Variants in CPVL observed in about 807,000 individuals in gnomAD.
The protein encoded by CPVL is carboxypeptidase vitellogenic like.
In CPVL, 51 loss-of-function variants were observed where a neutral mutation model predicts 63.7. That is an observed-to-expected ratio of 0.80 (90% CI 0.64 to 1.01). The LOEUF (loss-of-function observed/expected upper bound fraction) is 1.01. CPVL is among the 50% of genes least tolerant of loss of function. The pLI is 0.00. For synonymous variants in CPVL, 195 were observed against 206.0 expected (o/e 0.95, Z 0.46); for missense variants, 530 against 573.1 (o/e 0.92, Z 0.77).
chr7:29,194,431 C>G (rs1344878705), intron 1 of CPVL: 2 of 153,006 alleles, frequency 1.3e-5, no homozygotes, highest in Non-Finnish European at 2.9e-5. Context: ...TGTGTGTGCG[C>G]GAGCGGAGTT....
chr7:29,078,946 T>C (rs1448705272), intron 7 of CPVL, among the ~76,000 whole-genome samples: 1 of 152,162 alleles, frequency 6.6e-6, no homozygotes. Context: ...AAAATAGAGA[T>C]TTGTCATAGG....
intron 11 of CPVL, among the ~76,000 whole-genome samples, chr7:29,052,240 A>G (rs1354378234): frequency 1.3e-5 from 2 of 151,904 alleles, no homozygotes; most frequent in Non-Finnish European, 2.9e-5. Context: ...TCACCACTAA[A>G]GAACTTACTC....
At chr7:29,176,835 G>T (rs1361569351) in intron 5 of CPVL, among the ~76,000 whole-genome samples, 2 of 152,160 alleles carry the variant, frequency 1.3e-5, no homozygotes, top group Non-Finnish European at 2.9e-5. Flanking sequence ...GAAAGGGAAA[G>T]CAACCTCTTG....
chr7:29,048,584 T>C (rs966449642), intron 11 of CPVL, among the ~76,000 whole-genome samples: 3 of 152,044 alleles, frequency 2.0e-5, no homozygotes, highest in Admixed American at 6.6e-5. Context: ...ACATTAATAG[T>C]GGGGGATTTC....
intron 11 of CPVL, among the ~76,000 whole-genome samples, chr7:29,038,728 A>C (rs1216661825): frequency 6.6e-6 from 1 of 152,244 alleles, no homozygotes; most frequent in Non-Finnish European, 1.5e-5. Context: ...CTCTGTATCC[A>C]TACCTCTGTC....
upstream of CPVL, among the ~76,000 whole-genome samples, chr7:29,149,210 T>TA (rs397943773): frequency 2.8e-5 from 4 of 143,326 alleles, no homozygotes; most frequent in African/African-American, 1.1e-4. Context: ...TTTTTTTTTT[T>TA]GAGACAGAGT....
intron 11 of CPVL, among the ~76,000 whole-genome samples, chr7:29,042,582 G>A (rs988853044): frequency 2.0e-5 from 3 of 152,100 alleles, no homozygotes; most frequent in African/African-American, 7.2e-5. Flanking sequence ...TCTAGCCTGG[G>A]CAACAGTGAG....
At chr7:29,094,172 C>T (rs1441310290) in intron 5 of CPVL, among the ~76,000 whole-genome samples, 1 of 152,052 alleles carries the variant, frequency 6.6e-6, no homozygotes, top group East Asian at 1.9e-4. Flanking sequence ...GAAATCCCAT[C>T]TCTACTAAAA....
intron 5 of CPVL, among the ~76,000 whole-genome samples, chr7:29,159,625 C>T (rs1328977538): frequency 1.3e-5 from 2 of 152,122 alleles, no homozygotes; most frequent in African/African-American, 2.4e-5. Context: ...TTCCCCGCTT[C>T]GTGCAGAGGA....
intron 1 of CPVL, among the ~76,000 whole-genome samples, chr7:29,142,682 C>T (rs561948624): frequency 5.3e-5 from 8 of 152,030 alleles, no homozygotes; most frequent in East Asian, 3.9e-4. Flanking sequence ...TGCACCACCA[C>T]GCCTGGTTAA....
intron 7 of CPVL, among the ~76,000 whole-genome samples, chr7:29,084,010 C>T (rs749685623): frequency 5.9e-5 from 9 of 151,472 alleles, no homozygotes; most frequent in Non-Finnish European, 1.2e-4. Flanking sequence ...TGTAATTATT[C>T]GACCTTCAGA....
chr7:29,003,289 C>A (rs1554324795), intron 12 of CPVL, among the ~76,000 whole-genome samples: 1 of 151,990 alleles, frequency 6.6e-6, no homozygotes, highest in Non-Finnish European at 1.5e-5. Context: ...AGCAAGAAAA[C>A]TGACTATTCA....
At chr7:29,137,431 T>C (rs1226431325) in intron 1 of CPVL, among the ~76,000 whole-genome samples, 1 of 152,192 alleles carries the variant, frequency 6.6e-6, no homozygotes, top group Non-Finnish European at 1.5e-5. Context: ...CACCTCACCC[T>C]AACCTTATTA....
chr7:29,063,980 A>T, intron 11 of CPVL, 81 bp downstream of exon 11: 4 of 889,442 alleles, frequency 4.5e-6, no homozygotes, highest in Non-Finnish European at 6.9e-6. Flanking sequence ...AAAAAAAAAA[A>T]GGCAGGACTC....
In CPVL at chr7:29,183,722, G is replaced by A. The variant is rs557553185; in HGVS notation, c.-134+699C>T. On this transcript the variant is annotated intron_variant, in intron 4 of 16. Transcript: ENST00000409850. Reference sequence around the variant, plus strand: ...ATTGGTGGCATTCTCTAGAGAAAGAGAACCAATAAGAGAGATATATAGAAG... The same window carrying A: ...ATTGGTGGCATTCTCTAGAGAAAGAAAACCAATAAGAGAGATATATAGAAG... Among the ~76,000 whole-genome samples the A allele has an allele frequency of 1.1e-4, 17 of 152,142 alleles. No homozygotes were observed. In the South Asian group the frequency reaches 3.5e-3, roughly 32 times the overall value.
At chr7:29,190,014 T>G (rs1054125887) in intron 1 of CPVL, among the ~76,000 whole-genome samples, 1 of 152,254 alleles carries the variant, frequency 6.6e-6, no homozygotes, top group Non-Finnish European at 1.5e-5. Context: ...ACCTGCGGCG[T>G]CTGAGCTGCC....
chr7:29,141,718 C>G (rs1404644932), intron 1 of CPVL, among the ~76,000 whole-genome samples: 1 of 151,962 alleles, frequency 6.6e-6, no homozygotes, highest in East Asian at 1.9e-4. Flanking sequence ...AGATGGAGAC[C>G]ATCCTGGCCA....
chr7:29,159,964 G>A (rs142116176), intron 5 of CPVL, among the ~76,000 whole-genome samples: 4 of 152,276 alleles, frequency 2.6e-5, no homozygotes, highest in East Asian at 3.9e-4. Context: ...ATGGGTGCAC[G>A]TCATTTTCTG....
At chr7:29,059,081 CA>C (rs1253676090) in intron 11 of CPVL, among the ~76,000 whole-genome samples, 2 of 151,780 alleles carry the variant, frequency 1.3e-5, no homozygotes, top group Admixed American at 6.6e-5. Flanking sequence ...TAAGGCTATT[CA>C]AAAAAAATTT....
Sources: allele counts gnomAD v4.1 joint callset (sites outside exome capture counted in the v4.1 genomes callset), GRCh38; gene constraint gnomAD v4.1.1; transcripts MANE v1.5; gene names NCBI Gene and HGNC (gene_info 2026-07-23, HGNC 2026-07-21).